Variants in ACAD9 observed in about 807,000 individuals in gnomAD.
ACAD9 encodes acyl-CoA dehydrogenase family member 9.
Under a neutral mutation model 70.2 loss-of-function variants are expected in ACAD9, and 53 were observed. The observed-to-expected ratio is 0.75, with a 90% confidence interval of 0.61 to 0.95. ACAD9 has a LOEUF of 0.95. Among genes scored for constraint, ACAD9 ranks in the 40% least tolerant of loss-of-function variants. The probability of loss-of-function intolerance (pLI) is 0.00; values close to 1 mark genes in which losing one functional copy is unlikely to be tolerated. For synonymous variants in ACAD9, 313 were observed against 312.1 expected (o/e 1.00, Z -0.03); for missense variants, 777 against 802.8 (o/e 0.97, Z 0.39).
At chr3:128,882,619 G>C (rs201839134) in intron 1 of ACAD9, among the ~76,000 whole-genome samples, 2 of 152,260 alleles carry the variant, frequency 1.3e-5, no homozygotes, top group East Asian at 3.9e-4. Flanking sequence ...GGAGTGTCCT[G>C]GAACTGCTGC....
chr3:128,884,583 T>C (rs1935191640), intron 1 of ACAD9, 70 bp from the exon 2 acceptor site: 2 of 1,184,396 alleles, frequency 1.7e-6, no homozygotes, highest in South Asian at 1.3e-5. Context: ...TTCCTTCCCT[T>C]TTAACTGATA....
rs550482136 is a variant in ACAD9, at chr3:128,889,798, G to C, written c.245-3757G>C. Among the ~76,000 whole-genome samples, 10 of 152,234 alleles carry C rather than the reference G, an allele frequency of 6.6e-5. No homozygotes were observed. The East Asian group carries it at 1.9e-3, about 29-fold the overall frequency. ...CCAGATTTTAGCTATCACCAAAAAA[G>C]TTGCCATAAACATTCCTTTTTTCCT... On this transcript the variant is annotated intron_variant, in intron 2 of 17. Transcript: ENST00000308982.
chr3:128,899,534 G>GTGTGTA (rs2107654160), intron 7 of ACAD9, 73 bp downstream of exon 7: 1 of 1,222,134 alleles, frequency 8.2e-7, no homozygotes, highest in East Asian at 2.4e-5. Context: ...GTGTGTGTGT[G>GTGTGTA]TGTGTGTGTG....
At position 128,910,010 on chromosome 3, in the gene ACAD9, T is replaced by C. The variant is rs753501056; in HGVS notation, c.1564-11T>C. The C allele has an allele frequency of 1.1e-5, 18 of 1,613,072 alleles. No individual in the cohort carries two copies. Among genetic ancestry groups the C allele is most frequent in the Non-Finnish European group, 1.5e-5 (18 of 1,179,776 alleles). On this transcript the variant is annotated splice_polypyrimidine_tract_variant and intron_variant, in intron 15 of 17. Transcript: ENST00000308982. Reference sequence around the variant, plus strand: ...GTAGTGAGTCCCCACTTGGAGCCTCTGTGATCCCAGACCATCATGGAGGAG... The same window carrying C: ...GTAGTGAGTCCCCACTTGGAGCCTCCGTGATCCCAGACCATCATGGAGGAG...
intron 5 of ACAD9, 127 bp downstream of exon 5, chr3:128,896,663 A>C: frequency 1.1e-6 from 1 of 881,320 alleles, no homozygotes; most frequent in East Asian, 2.6e-5. Flanking sequence ...GCAAAGAATC[A>C]ACTCAGCAAC....
chr3:128,890,999 G>A (rs528478929), intron 2 of ACAD9, among the ~76,000 whole-genome samples: 65 of 151,940 alleles, frequency 4.3e-4, no homozygotes, highest in African/African-American at 1.5e-3. Context: ...GCATCACTAT[G>A]CCCGGCTAAT....
At chr3:128,906,389 G>A (rs557447971) in intron 12 of ACAD9, 140 bp downstream of exon 12, 19 of 1,327,392 alleles carry the variant, frequency 1.4e-5, no homozygotes, top group South Asian at 5.4e-5. Context: ...GCCCTGGCAC[G>A]TCTCCTTCCC....
intron 2 of ACAD9, among the ~76,000 whole-genome samples, chr3:128,892,399 T>C (rs957696136): frequency 2.6e-5 from 4 of 152,226 alleles, no homozygotes; most frequent in African/African-American, 9.6e-5. Flanking sequence ...TTATGGTGTT[T>C]TTAACAATTT....
At chr3:128,909,122 C>T in intron 14 of ACAD9, 23 bp downstream of exon 14, 6 of 1,613,562 alleles carry the variant, frequency 3.7e-6, no homozygotes, top group South Asian at 1.1e-5. Context: ...AACAGGCATA[C>T]CCCCTATTTC....
At chr3:128,886,376 C>T (rs1258761251) in intron 2 of ACAD9, among the ~76,000 whole-genome samples, 1 of 149,498 alleles carries the variant, frequency 6.7e-6, no homozygotes, top group Non-Finnish European at 1.5e-5. Context: ...GCTGGGATTA[C>T]AGGCGTGAGC....
chr3:128,892,872 C>T (rs557230342), intron 2 of ACAD9, among the ~76,000 whole-genome samples: 7 of 151,938 alleles, frequency 4.6e-5, no homozygotes, highest in African/African-American at 9.6e-5. Context: ...TAGAAAATAC[C>T]GGCCAAAAAA....
At chr3:128,879,939 C>T in intron 1 of ACAD9, 98 bp downstream of exon 1, 9 of 1,595,818 alleles carry the variant, frequency 5.6e-6, no homozygotes, top group African/African-American at 1.3e-5. Flanking sequence ...CCCAAACCTG[C>T]CAGAGAGATA....
At chr3:128,888,404 C>T (rs1220730002) in intron 2 of ACAD9, among the ~76,000 whole-genome samples, 1 of 152,028 alleles carries the variant, frequency 6.6e-6, no homozygotes, top group Non-Finnish European at 1.5e-5. Context: ...CATAGTGAAA[C>T]CCTGTCTCTA....
At chr3:128,890,111 C>T (rs1370242510) in intron 2 of ACAD9, among the ~76,000 whole-genome samples, 1 of 152,134 alleles carries the variant, frequency 6.6e-6, no homozygotes, top group Non-Finnish European at 1.5e-5. Context: ...CAGGTATGAA[C>T]CACTGCGCCT....
Position 128,910,780 on chromosome 3 carries a change from C to T in ACAD9, c.1732C>T (p.Gln578Ter), listed in dbSNP as rs1422513141. The T allele has an allele frequency of 6.2e-7, 1 of 1,614,210 alleles. No homozygotes were observed. The highest frequency in any genetic ancestry group is 8.5e-7 in the Non-Finnish European group (1 of 1,180,050). Residue 578 changes from glutamine (Q) to a stop codon, truncating the protein, a stop_gained, in exon 17 of 18, where the codon CAG becomes TAG. Transcript: ENST00000308982. LOFTEE classifies it high-confidence loss of function. ...CACCTTCTGCGTGGAAGCTTACTTG[C>T]AGAATCTCTTCAGCCTCTCTCAGCT... ...ANTFCVEAYL[Q>*]NLFSLSQLDK...
At chr3:128,881,737 G>C (rs1935100806) in intron 1 of ACAD9, among the ~76,000 whole-genome samples, 1 of 152,142 alleles carries the variant, frequency 6.6e-6, no homozygotes, top group Non-Finnish European at 1.5e-5. Flanking sequence ...TTTCGTCTCT[G>C]GTTTCTGAAT....
rs1191571134 is a variant in ACAD9 at position 128,898,013 on chromosome 3, C to A, written c.633+303C>A. Among the ~76,000 whole-genome samples the A allele has an allele frequency of 1.3e-5, 2 of 152,068 alleles. 1 individual carries two copies. The highest frequency in any genetic ancestry group is 4.1e-4 in the South Asian group (2 of 4,820). ...CTGGGATTAGAGGTGCGTGTCACCA[C>A]TCCTGGCTAATTTTTGTATTTTCAG... On this transcript the variant is annotated intron_variant, in intron 6 of 17. Transcript: ENST00000308982.
At position 128,908,167 on chromosome 3, in the gene ACAD9, C is replaced by T. The variant is rs752450627; in HGVS notation, c.1279-18C>T. 7 of 1,613,582 alleles carry T rather than the reference C, an allele frequency of 4.3e-6. No homozygotes were observed. The Admixed American group carries it at 5.0e-5, about 12-fold the overall frequency. ...CTGGCCGGGGGGCAGCCTTTGACCTCTACACTACTGACCACAGGGAACCAA... is the reference window on the plus strand; with the variant it reads ...CTGGCCGGGGGGCAGCCTTTGACCTTTACACTACTGACCACAGGGAACCAA... On this transcript the variant is annotated intron_variant, in intron 12 of 17. Transcript: ENST00000308982.
rs34217688 is a variant in ACAD9 at position 128,894,533 on chromosome 3, C to CT, written c.347-758dup. On this transcript the variant is annotated intron_variant, in intron 3 of 17. Coordinates refer to ENST00000308982, the MANE Select transcript of ACAD9 (RefSeq NM_014049.5). ...GCTTTCTGAGGCACAAGATTGCGAG[C>CT]TTTTTTTTTTTTTTTTTTTGAGACA... Among the ~76,000 whole-genome samples the CT allele has an allele frequency of 9.9e-3, 1,322 of 133,210 alleles. 16 individuals are homozygous for CT. The highest frequency in any genetic ancestry group is 0.015 in the Admixed American group (198 of 13,108). 87.4% of individuals were successfully genotyped at this position (133,210 alleles called of 152,430 possible).
Sources: allele counts gnomAD v4.1 joint callset (sites outside exome capture counted in the v4.1 genomes callset), GRCh38; gene constraint gnomAD v4.1.1; transcripts MANE v1.5; gene names NCBI Gene and HGNC (gene_info 2026-07-23, HGNC 2026-07-21).